The following SCFD2 variants were observed in gnomAD, a reference collection of about 807,000 sequenced individuals.
The protein encoded by SCFD2 is sec1 family domain-containing protein 2.
In SCFD2, 54 loss-of-function variants were observed where a neutral mutation model predicts 58.9. The observed-to-expected ratio is 0.92, with a 90% confidence interval of 0.74 to 1.15. SCFD2 has a LOEUF of 1.15. SCFD2 is among the 50% of genes most tolerant of loss of function. The probability of loss-of-function intolerance (pLI) is 0.00; values close to 1 mark genes in which losing one functional copy is unlikely to be tolerated. For missense variants in SCFD2, 805 were observed against 836.6 expected (o/e 0.96, Z 0.47); for synonymous variants, 321 against 335.9 (o/e 0.96, Z 0.49).
At chr4:53,159,923 C>T (rs967252531) in intron 4 of SCFD2, among the ~76,000 whole-genome samples, 1 of 152,096 alleles carries the variant, frequency 6.6e-6, no homozygotes, top group Non-Finnish European at 1.5e-5. Context: ...GGATGGGATG[C>T]ACTTAAGAGA....
At chr4:52,984,195 T>C (rs1159775231) in intron 5 of SCFD2, among the ~76,000 whole-genome samples, 2 of 152,206 alleles carry the variant, frequency 1.3e-5, no homozygotes, top group Non-Finnish European at 2.9e-5. Flanking sequence ...GGTGAGTTAC[T>C]CCAAGGGCAC....
At chr4:53,340,716 G>T (rs542919042) in intron 2 of SCFD2, among the ~76,000 whole-genome samples, 5 of 152,284 alleles carry the variant, frequency 3.3e-5, no homozygotes, top group African/African-American at 1.2e-4. Flanking sequence ...TTCCCAATAG[G>T]GGGCGACGGA....
rs988830648 is a variant in SCFD2, at chr4:52,995,081, G to A, written c.1562-74211C>T. 4.6e-5 allele frequency among the ~76,000 whole-genome samples: 7 copies of A among 152,062 alleles called. No homozygotes were observed. In the East Asian group the frequency reaches 7.7e-4, roughly 17 times the overall value. On this transcript the variant is annotated intron_variant, in intron 5 of 8. Transcript: ENST00000401642. ...ATAATTCAAGTGCATTACATTTACT[G>A]TGTACTTTATTTCTATTATTATTAC...
chr4:53,098,504 G>A (rs1377602179), intron 5 of SCFD2, among the ~76,000 whole-genome samples: 1 of 152,184 alleles, frequency 6.6e-6, no homozygotes, highest in Admixed American at 6.5e-5. Context: ...TATTTGCGCA[G>A]AGGTGTTTAT....
At chr4:52,931,862 G>A (rs775556459) in intron 5 of SCFD2, among the ~76,000 whole-genome samples, 1 of 152,086 alleles carries the variant, frequency 6.6e-6, no homozygotes, top group Non-Finnish European at 1.5e-5. Context: ...AACAAGTCCC[G>A]TACCTTCTTA....
chr4:53,335,396 G>A (rs1733652026), intron 2 of SCFD2, among the ~76,000 whole-genome samples: 2 of 152,254 alleles, frequency 1.3e-5, no homozygotes, highest in Admixed American at 6.5e-5. Flanking sequence ...TGGGAAGACT[G>A]AAGACTAAGA....
At position 52,873,919 on chromosome 4, in the gene SCFD2, A is replaced by G; in HGVS notation, c.*50T>C. ...GGAGTATTTGGAGTGGTGGCAGAAA[A>G]TTGCATCGGCATTTCCAGCTTGAGT... is the stretch of plus-strand genomic sequence containing the variant. On this transcript the variant is annotated 3_prime_UTR_variant, in exon 9 of 9. Coordinates refer to ENST00000401642, the MANE Select transcript of SCFD2 (RefSeq NM_152540.4). 2 of 1,385,550 alleles carry G rather than the reference A, an allele frequency of 1.4e-6. No homozygotes were observed. Among genetic ancestry groups the G allele is most frequent in the Non-Finnish European group, 2.1e-6 (2 of 972,646 alleles). The allele number at this position is 1,385,550 out of a possible 1,614,324, so 85.8% of individuals were successfully genotyped here.
At chr4:53,291,005 A>G (rs1226579609) in intron 3 of SCFD2, among the ~76,000 whole-genome samples, 1 of 152,192 alleles carries the variant, frequency 6.6e-6, no homozygotes, top group African/African-American at 2.4e-5. Context: ...TCATGGCTAA[A>G]TTCTACAAGT....
chr4:53,337,316 A>G (rs969892815), intron 2 of SCFD2, among the ~76,000 whole-genome samples: 1 of 152,194 alleles, frequency 6.6e-6, no homozygotes, highest in Non-Finnish European at 1.5e-5. Flanking sequence ...AGGGCCTACC[A>G]TAACAGCCTT....
intron 5 of SCFD2, among the ~76,000 whole-genome samples, chr4:53,103,897 T>TAAAAA (rs34101811): frequency 1.2e-4 from 9 of 74,342 alleles, no homozygotes; most frequent in East Asian, 3.8e-4. Flanking sequence ...CAATATGAGC[T>TAAAAA]AAAAAAAAAA....
chr4:52,892,664 G>A (rs917572600), intron 7 of SCFD2, among the ~76,000 whole-genome samples: 2 of 152,162 alleles, frequency 1.3e-5, no homozygotes, highest in African/African-American at 4.8e-5. Context: ...CCCTGACTGA[G>A]CTACTCCTCT....
chr4:53,201,063 G>A (rs1023586287), intron 4 of SCFD2, among the ~76,000 whole-genome samples: 9 of 151,632 alleles, frequency 5.9e-5, no homozygotes, highest in African/African-American at 1.5e-4. Context: ...TAGGGCACAC[G>A]TACATAGCGT....
chr4:53,001,854 C>T (rs1415747101), intron 5 of SCFD2, among the ~76,000 whole-genome samples: 1 of 152,174 alleles, frequency 6.6e-6, no homozygotes, highest in Non-Finnish European at 1.5e-5. Context: ...CATTATTATG[C>T]CATTTTACAG....
In SCFD2 at chr4:53,246,034, A is replaced by C. The variant is rs148690934; in HGVS notation, c.1311+27792T>G. 5.3e-3 allele frequency among the ~76,000 whole-genome samples: 802 copies of C among 152,284 alleles called. 4 individuals are homozygous for C. Among genetic ancestry groups the C allele is most frequent in the Non-Finnish European group, 8.5e-3 (581 of 67,996 alleles). ...AAATCAGTGTACAAAAATCACTATC[A>C]TTCCTATACACCAACAATAGCCAAG... On this transcript the variant is annotated intron_variant, in intron 4 of 8. Coordinates refer to ENST00000401642, the MANE Select transcript of SCFD2 (RefSeq NM_152540.4).
chr4:53,275,425 C>G (rs1731299057), intron 3 of SCFD2, among the ~76,000 whole-genome samples: 1 of 152,118 alleles, frequency 6.6e-6, no homozygotes, highest in South Asian at 2.1e-4. Flanking sequence ...GGGTTTGTTC[C>G]TGATTCTCAA....
intron 5 of SCFD2, among the ~76,000 whole-genome samples, chr4:53,101,248 C>T (rs1724824987): frequency 6.6e-6 from 1 of 152,154 alleles, no homozygotes; most frequent in Admixed American, 6.6e-5. Flanking sequence ...AAGAGCTGCA[C>T]TTCCAAATGC....
rs576895650 is a variant in SCFD2, at chr4:53,102,292, G to A, written c.1561+43041C>T. Among the ~76,000 whole-genome samples the A allele has an allele frequency of 2.1e-3, 319 of 152,210 alleles. 1 individual carries two copies. Among genetic ancestry groups the A allele is most frequent in the African/African-American group, 7.5e-3 (311 of 41,542 alleles). ...TAGATCAGATTTTTAATAAGTAAAA[G>A]TATACAAGTAATTTTTGATGGATAA... On this transcript the variant is annotated intron_variant, in intron 5 of 8. Coordinates refer to ENST00000401642, the MANE Select transcript of SCFD2 (RefSeq NM_152540.4).
At chr4:53,164,576 T>C (rs1241823730) in intron 4 of SCFD2, among the ~76,000 whole-genome samples, 1 of 151,862 alleles carries the variant, frequency 6.6e-6, no homozygotes, top group Non-Finnish European at 1.5e-5. Context: ...GGCAGATAAC[T>C]GGAGATGAGG....
intron 5 of SCFD2, among the ~76,000 whole-genome samples, chr4:53,135,621 A>AGTCT (rs1725913185): frequency 6.6e-6 from 1 of 152,172 alleles, no homozygotes; most frequent in Non-Finnish European, 1.5e-5. Flanking sequence ...ACGTGCCTGT[A>AGTCT]GTCTCAGCTA....
Sources: allele counts gnomAD v4.1 joint callset (sites outside exome capture counted in the v4.1 genomes callset), GRCh38; gene constraint gnomAD v4.1.1; transcripts MANE v1.5; gene names NCBI Gene and HGNC (gene_info 2026-07-23, HGNC 2026-07-21).